Variants in SETBP1 observed in about 807,000 individuals in gnomAD.
The protein encoded by SETBP1 is SET-binding protein.
Under a neutral mutation model 101.0 loss-of-function variants are expected in SETBP1, and 9 were observed. The ratio of observed to expected loss-of-function variants is 0.09; its 90% CI spans 0.05 to 0.16. SETBP1 has a LOEUF of 0.16. SETBP1 is among the 10% of genes least tolerant of loss of function. SETBP1 has a pLI of 1.00. For missense variants in SETBP1, 1,858 were observed against 2,033.8 expected, an observed-to-expected ratio of 0.91 and a Z score of 1.66; for synonymous variants, 818 against 788.5, an observed-to-expected ratio of 1.04 and a Z score of -0.63.
At chr18:44,825,933 T>C (rs2072228794) in intron 2 of SETBP1, among the ~76,000 whole-genome samples, 1 of 152,210 alleles carries the variant, frequency 6.6e-6, no homozygotes, top group African/African-American at 2.4e-5. Flanking sequence ...AACTAATCTC[T>C]CTACACCTCG....
At chr18:44,736,092 TAAG>T (rs1331121625) in intron 2 of SETBP1, among the ~76,000 whole-genome samples, 3 of 152,140 alleles carry the variant, frequency 2.0e-5, no homozygotes, top group Admixed American at 6.6e-5. Context: ...GCCATATCAT[TAAG>T]AAGGTCAGGC....
intron 2 of SETBP1, among the ~76,000 whole-genome samples, chr18:44,782,843 T>A (rs946866462): frequency 7.2e-5 from 11 of 152,158 alleles, no homozygotes; most frequent in Admixed American, 4.6e-4. Context: ...GCCAGGGTGA[T>A]CTTGTCCTTG....
chr18:44,807,418 A>G (rs1459257060), intron 2 of SETBP1, among the ~76,000 whole-genome samples: 1 of 151,992 alleles, frequency 6.6e-6, no homozygotes, highest in Non-Finnish European at 1.5e-5. Context: ...CCTATTTTAA[A>G]TTATCCATGT....
rs549079925 is a variant in SETBP1 at position 44,887,685 on chromosome 18, C to A, written c.540+18402C>A. On this transcript the variant is annotated intron_variant, in intron 3 of 5. Transcript: ENST00000649279. ...CCGAGTAAGAATACAGGAGCAAGGA[C>A]AAGCTAGGATCATCAGTGATACCCA... Among the ~76,000 whole-genome samples the A allele has an allele frequency of 1.4e-4, 22 of 152,256 alleles. No individual in the cohort carries two copies. The South Asian group carries it at 2.9e-3, about 20-fold the overall frequency.
At chr18:44,848,830 A>G (rs2072785971) in intron 2 of SETBP1, among the ~76,000 whole-genome samples, 1 of 152,224 alleles carries the variant, frequency 6.6e-6, no homozygotes, top group African/African-American at 2.4e-5. Flanking sequence ...ACATTTCTCC[A>G]AGGATGGGGC....
chr18:44,964,368 C>G (rs1599384169), intron 4 of SETBP1, among the ~76,000 whole-genome samples: 1 of 152,224 alleles, frequency 6.6e-6, no homozygotes, highest in East Asian at 1.9e-4. Flanking sequence ...GAGTTTGAAA[C>G]CAGCCTGGGC....
chr18:45,009,428 G>A (rs1174810651), intron 4 of SETBP1, among the ~76,000 whole-genome samples: 3 of 151,614 alleles, frequency 2.0e-5, no homozygotes, highest in Admixed American at 6.6e-5. Context: ...TAACCTCAAC[G>A]AGTGGTTCAG....
At chr18:44,836,707 A>G (rs1179493569) in intron 2 of SETBP1, among the ~76,000 whole-genome samples, 4 of 152,218 alleles carry the variant, frequency 2.6e-5, no homozygotes, top group Non-Finnish European at 2.9e-5. Context: ...GGCAGCTGAG[A>G]AAAAGGACTC....
At chr18:44,759,168 G>T (rs763227199) in intron 2 of SETBP1, among the ~76,000 whole-genome samples, 4 of 152,172 alleles carry the variant, frequency 2.6e-5, no homozygotes. Flanking sequence ...GTGCTGCTGT[G>T]GGGGTTAGAT....
intron 4 of SETBP1, among the ~76,000 whole-genome samples, chr18:44,959,206 A>G (rs1160303867): frequency 6.6e-6 from 1 of 152,180 alleles, no homozygotes; most frequent in Non-Finnish European, 1.5e-5. Flanking sequence ...ATTTTGACAG[A>G]CTTGGCTTTG....
intron 4 of SETBP1, among the ~76,000 whole-genome samples, chr18:45,016,868 A>G (rs967512796): frequency 4.1e-5 from 6 of 145,434 alleles, no homozygotes; most frequent in Non-Finnish European, 9.0e-5. Flanking sequence ...TTCAGAGCCG[A>G]CTCTGGTAAA....
At chr18:44,774,724 G>A (rs997848898) in intron 2 of SETBP1, among the ~76,000 whole-genome samples, 18 of 152,182 alleles carry the variant, frequency 1.2e-4, no homozygotes, top group African/African-American at 1.9e-4. Context: ...ACCTCAGCCC[G>A]AAAATAGTTA....
chr18:44,689,194 A>C (rs2068887845), intron 1 of SETBP1, among the ~76,000 whole-genome samples: 1 of 152,354 alleles, frequency 6.6e-6, no homozygotes. Context: ...CAGCTTTGGC[A>C]TAGGGGCAGC....
Position 45,038,513 on chromosome 18 carries a change from C to A in SETBP1, c.4029C>A (p.Asp1343Glu). The A allele has an allele frequency of 6.2e-7, 1 of 1,614,098 alleles. No individual in the cohort carries two copies. The highest frequency in any genetic ancestry group is 8.5e-7 in the Non-Finnish European group (1 of 1,179,998). ...PGMPSPHLKV[D>E]QTAVHSKNEG... ...TGCCAAGTCCCCACTTAAAAGTGGACCAGACAGCAGTGCATAGTAAGAACG... is the reference window on the plus strand; with the variant it reads ...TGCCAAGTCCCCACTTAAAAGTGGAACAGACAGCAGTGCATAGTAAGAACG... Residue 1343 changes from aspartate (D) to glutamate (E), a missense_variant, in exon 5 of 6, where the codon GAC becomes GAA. Physicochemically the swap from Asp to Glu is conservative, Grantham distance 45 (BLOSUM62 2). Coordinates refer to ENST00000649279, the MANE Select transcript of SETBP1 (RefSeq NM_015559.3).
chr18:44,995,202 C>A (rs769943970), intron 4 of SETBP1, among the ~76,000 whole-genome samples: 1 of 135,826 alleles, frequency 7.4e-6, no homozygotes, highest in Non-Finnish European at 1.5e-5. Context: ...AGTGCAGTGG[C>A]GCGATCTTGG....
intron 4 of SETBP1, among the ~76,000 whole-genome samples, chr18:44,985,126 G>T (rs1238698040): frequency 6.6e-6 from 1 of 152,180 alleles, no homozygotes; most frequent in Non-Finnish European, 1.5e-5. Flanking sequence ...GGGCGACAGA[G>T]ACTGTCGCCT....
intron 5 of SETBP1, among the ~76,000 whole-genome samples, chr18:45,041,509 C>A (rs1370291992): frequency 6.6e-6 from 1 of 151,642 alleles, no homozygotes; most frequent in African/African-American, 2.4e-5. Flanking sequence ...AATAGGTTAC[C>A]ATTCCTACAG....
chr18:44,810,387 A>C (rs982064629), intron 2 of SETBP1, among the ~76,000 whole-genome samples: 5 of 152,204 alleles, frequency 3.3e-5, no homozygotes, highest in Non-Finnish European at 5.9e-5. Context: ...CACAATGAAA[A>C]GTGCTCTAGA....
chr18:44,887,412 C>T (rs1250365632), intron 3 of SETBP1, among the ~76,000 whole-genome samples: 2 of 152,120 alleles, frequency 1.3e-5, no homozygotes, highest in Admixed American at 6.5e-5. Context: ...CCCCAGTTGC[C>T]TGGTTGGCAC....
Sources: gnomAD v4.1 joint callset for allele counts (sites outside exome capture counted in the v4.1 genomes callset) on GRCh38, gnomAD v4.1.1 for gene constraint, MANE v1.5 for transcripts, NCBI Gene and HGNC (gene_info 2026-07-23, HGNC 2026-07-21) for gene names.